The following DGAT2 variants were observed in gnomAD, a reference collection of about 807,000 sequenced individuals.
DGAT2 encodes the protein acyl-CoA retinol O-fatty-acyltransferase.
Under a neutral mutation model 48.4 loss-of-function variants are expected in DGAT2, and 33 were observed. The ratio of observed to expected loss-of-function variants is 0.68; its 90% CI spans 0.52 to 0.91. The LOEUF (loss-of-function observed/expected upper bound fraction) is 0.91. Among genes scored for constraint, DGAT2 ranks in the 40% least tolerant of loss-of-function variants. DGAT2 has a pLI of 0.00. For synonymous variants in DGAT2, 191 were observed against 194.1 expected, an observed-to-expected ratio of 0.98 and a Z score of 0.13; for missense variants, 446 against 493.7, an observed-to-expected ratio of 0.90 and a Z score of 0.92.
rs762592268 is a variant in DGAT2 at position 75,796,373 on chromosome 11, G to A, written c.475G>A (p.Gly159Arg). The stretch of plus-strand genomic sequence containing the variant: ...GCTGACCACCAGGAACTATATCTTT[G>A]GATACCACCCCCATGGTATCATGGG... ...NLLTTRNYIFGYHPHGIMGLG... is the reference protein window; with the variant it reads ...NLLTTRNYIFRYHPHGIMGLG... The change falls in exon 5 of 8, where the codon GGA becomes AGA. Residue 159 changes from glycine to arginine, a missense_variant. Physicochemically the swap from Gly to Arg is moderately radical, Grantham distance 125 (BLOSUM62 -2). Transcript: ENST00000228027. 3 of 1,614,102 alleles carry A rather than the reference G, an allele frequency of 1.9e-6. No individual in the cohort carries two copies. The highest frequency in any genetic ancestry group is 2.5e-6 in the Non-Finnish European group (3 of 1,180,012).
Position 75,797,217 on chromosome 11 carries a change from A to G in DGAT2, c.694A>G (p.Asn232Asp), listed in dbSNP as rs1307220915. 3 of 1,577,792 alleles carry G rather than the reference A, an allele frequency of 1.9e-6. No individual in the cohort carries two copies. The highest frequency in any genetic ancestry group is 8.6e-7 in the Non-Finnish European group (1 of 1,161,334). ...TTTGCTTTCAAAGAATGGGAGTGGCAATGCTATCATCATCGTGGTCGGGGG... is the reference window on the plus strand; with the variant it reads ...TTTGCTTTCAAAGAATGGGAGTGGCGATGCTATCATCATCGTGGTCGGGGG... ...DYLLSKNGSG[N>D]AIIIVVGGAA... The change falls in exon 6 of 8, where the codon AAT becomes GAT. Residue 232 changes from asparagine to aspartate, a missense_variant. Physicochemically the swap from Asn to Asp is conservative, Grantham distance 23. Coordinates refer to ENST00000228027, the MANE Select transcript of DGAT2 (RefSeq NM_032564.5).
intron 7 of DGAT2, among the ~76,000 whole-genome samples, chr11:75,799,292 C>T (rs761982219): frequency 1.7e-4 from 26 of 152,086 alleles, no homozygotes; most frequent in Non-Finnish European, 3.2e-4. Flanking sequence ...AATGGAGAGC[C>T]ACCAGAGAGT....
At chr11:75,780,537 G>A (rs1037130952) in intron 1 of DGAT2, among the ~76,000 whole-genome samples, 14 of 152,242 alleles carry the variant, frequency 9.2e-5, no homozygotes, top group African/African-American at 3.4e-4. Flanking sequence ...GGCAGAGCTG[G>A]GTCTAGAAAC....
intron 2 of DGAT2, among the ~76,000 whole-genome samples, chr11:75,789,516 C>T (rs1273646246): frequency 6.6e-6 from 1 of 152,132 alleles, no homozygotes; most frequent in Admixed American, 6.5e-5. Context: ...CCTGGATTGC[C>T]GTTATGTTGG....
At position 75,796,325 on chromosome 11, in the gene DGAT2, C is replaced by A; in HGVS notation, c.430-3C>A. The A allele has an allele frequency of 6.2e-7, 1 of 1,612,828 alleles. No individual in the cohort carries two copies. The highest frequency in any genetic ancestry group is 8.5e-7 in the Non-Finnish European group (1 of 1,179,002). On this transcript the variant is annotated splice_region_variant and splice_polypyrimidine_tract_variant and intron_variant, in intron 4 of 7. Transcript: ENST00000228027. ...TTCCTCTGACCCAAGGTCATCCTTG[C>A]AGCTGGTGAAGACACACAACCTGCT...
In DGAT2 at chr11:75,800,591, CTG is replaced by C. The variant is rs1364210360; in HGVS notation, c.*86_*87del. On this transcript the variant is annotated 3_prime_UTR_variant, in exon 8 of 8. Transcript: ENST00000228027. ...GTAAATTTGGAAGTGTCATGGGTGT[CTG>C]TGGGTTATTTAAAAGAAATTATAAC... 6.8e-7 allele frequency: 1 copy of C among 1,465,702 alleles called. No homozygotes were observed. Among genetic ancestry groups the C allele is most frequent in the East Asian group, 2.4e-5 (1 of 41,338 alleles). The allele number at this position is 1,465,702 out of a possible 1,614,324, so 90.8% of individuals were successfully genotyped here.
chr11:75,799,987 G>A (rs891035601), intron 7 of DGAT2, among the ~76,000 whole-genome samples: 7 of 152,144 alleles, frequency 4.6e-5, no homozygotes, highest in African/African-American at 1.7e-4. Context: ...GAATCCCCAT[G>A]TGACAGATGA....
chr11:75,795,703 GGA>G (rs1298531189), intron 4 of DGAT2: 1 of 153,650 alleles, frequency 6.5e-6, no homozygotes, highest in Non-Finnish European at 1.4e-5. Flanking sequence ...GCTGACTGTG[GGA>G]AAGTTTCCAT....
chr11:75,775,623 C>G (rs908912954), intron 1 of DGAT2, among the ~76,000 whole-genome samples: 1 of 152,194 alleles, frequency 6.6e-6, no homozygotes, highest in Non-Finnish European at 1.5e-5. Flanking sequence ...ACTCCTAGAC[C>G]TAGCATCCCA....
intron 1 of DGAT2, among the ~76,000 whole-genome samples, chr11:75,780,886 C>G (rs918411727): frequency 4.1e-4 from 62 of 152,240 alleles, no homozygotes; most frequent in African/African-American, 1.4e-3. Context: ...TTATGGGCCT[C>G]TTGTGCATCA....
At chr11:75,799,617 T>TTTTTA (rs1945091116) in intron 7 of DGAT2, among the ~76,000 whole-genome samples, 1 of 151,868 alleles carries the variant, frequency 6.6e-6, no homozygotes, top group African/African-American at 2.4e-5. Flanking sequence ...TTTTATTTTT[T>TTTTTA]TTTTTTTTAT....
chr11:75,776,464 G>C (rs1944804154), intron 1 of DGAT2: 1 of 152,374 alleles, frequency 6.6e-6, no homozygotes, highest in South Asian at 2.1e-4. Flanking sequence ...AGACTTTCCA[G>C]AGAAAGAGTC....
intron 2 of DGAT2, among the ~76,000 whole-genome samples, chr11:75,786,933 A>C (rs578030732): frequency 6.6e-6 from 1 of 152,354 alleles, no homozygotes; most frequent in South Asian, 2.1e-4. Context: ...TGATAATAAA[A>C]TATAAATATC....
chr11:75,786,409 C>A (rs149767626), intron 2 of DGAT2, among the ~76,000 whole-genome samples: 1 of 152,188 alleles, frequency 6.6e-6, no homozygotes, highest in African/African-American at 2.4e-5. Context: ...GTCTGCTACA[C>A]CAGCTCTCTT....
At chr11:75,774,712 C>CA (rs1944788569) in intron 1 of DGAT2, among the ~76,000 whole-genome samples, 1 of 152,190 alleles carries the variant, frequency 6.6e-6, no homozygotes, top group South Asian at 2.1e-4. Flanking sequence ...TGCACTCATC[C>CA]ACTTGGGGCC....
Position 75,796,496 on chromosome 11 carries a change from C to G in DGAT2, c.598C>G (p.Arg200Gly). Residue 200 changes from arginine to glycine, a missense_variant, in exon 5 of 8, where the codon CGA (arginine) becomes GGA (glycine). By Grantham distance (125) the Arg-to-Gly change is moderately radical. Coordinates refer to ENST00000228027, the MANE Select transcript of DGAT2 (RefSeq NM_032564.5). ...PYLATLAGNF[R>G]MPVLREYLMS... ...CCTGGCTACACTGGCAGGCAACTTC[C>G]GAATGCCTGTGTTGAGGGAGTACCT... 3 of 1,613,398 alleles carry G rather than the reference C, an allele frequency of 1.9e-6. No individual in the cohort carries two copies. Among genetic ancestry groups the G allele is most frequent in the Non-Finnish European group, 2.5e-6 (3 of 1,180,008 alleles).
At chr11:75,771,065 G>T (rs974559697) in intron 1 of DGAT2, among the ~76,000 whole-genome samples, 2 of 152,108 alleles carry the variant, frequency 1.3e-5, no homozygotes, top group African/African-American at 4.8e-5. Context: ...TGAACAGCCC[G>T]TCAGTGACAG....
chr11:75,799,067 A>T (rs1287632304), intron 7 of DGAT2, among the ~76,000 whole-genome samples: 1 of 152,206 alleles, frequency 6.6e-6, no homozygotes, highest in African/African-American at 2.4e-5. Flanking sequence ...GTGCATGTTA[A>T]TGGATCCCCC....
intron 6 of DGAT2, 30 bp from the exon 7 acceptor site, chr11:75,798,197 G>C: frequency 1.2e-6 from 2 of 1,611,540 alleles, no homozygotes; most frequent in Non-Finnish European, 1.7e-6. Context: ...AGTAAGTAGG[G>C]TATGACAGAC....
Sources: allele counts gnomAD v4.1 joint callset (sites outside exome capture counted in the v4.1 genomes callset), GRCh38; gene constraint gnomAD v4.1.1; transcripts MANE v1.5; gene names NCBI Gene and HGNC (gene_info 2026-07-23, HGNC 2026-07-21).